ELAPOR2: variants seen among roughly 807,000 people sequenced by gnomAD.
ELAPOR2 encodes endosome/lysosome-associated apoptosis and autophagy regulator family member 2.
A neutral mutation model predicts 120.7 loss-of-function variants in ELAPOR2; 89 were observed. The ratio of observed to expected loss-of-function variants is 0.74; its 90% confidence interval spans 0.62 to 0.88. ELAPOR2 has a LOEUF of 0.88. ELAPOR2 is among the 40% of genes least tolerant of loss of function. The pLI is 0.00. For missense variants in ELAPOR2, 1,134 were observed against 1,251.6 expected (o/e 0.91, Z 1.42); for synonymous variants, 444 against 444.9 (o/e 1.00, Z 0.03).
chr7:86,931,561 A>G (rs555932419), intron 8 of ELAPOR2, among the ~76,000 whole-genome samples: 1 of 151,956 alleles, frequency 6.6e-6, no homozygotes, highest in East Asian at 1.9e-4. Context: ...TATGCCAAAG[A>G]CAGAACACAG....
At chr7:87,053,061 G>T (rs777971234) in intron 1 of ELAPOR2, among the ~76,000 whole-genome samples, 2 of 152,128 alleles carry the variant, frequency 1.3e-5, no homozygotes, top group Non-Finnish European at 2.9e-5. Context: ...GCCTTCCAAA[G>T]TGTTGGGATT....
intron 19 of ELAPOR2, among the ~76,000 whole-genome samples, chr7:86,895,963 T>C (rs948007296): frequency 3.9e-5 from 6 of 152,124 alleles, no homozygotes; most frequent in Non-Finnish European, 7.4e-5. Flanking sequence ...AAACTATTTT[T>C]GTGAATCTGG....
At chr7:86,935,419 G>A (rs1363788296) in intron 8 of ELAPOR2, among the ~76,000 whole-genome samples, 1 of 151,932 alleles carries the variant, frequency 6.6e-6, no homozygotes, top group Non-Finnish European at 1.5e-5. Flanking sequence ...ACAGACTGAG[G>A]CCTTCCCAGA....
At chr7:87,058,315 A>G (rs948391604) in intron 1 of ELAPOR2, among the ~76,000 whole-genome samples, 3 of 152,072 alleles carry the variant, frequency 2.0e-5, no homozygotes, top group African/African-American at 7.2e-5. Flanking sequence ...TGGCTAACCT[A>G]TTTTTGCTAC....
At chr7:86,910,384 T>A (rs1296699436) in intron 15 of ELAPOR2, among the ~76,000 whole-genome samples, 3 of 152,142 alleles carry the variant, frequency 2.0e-5, no homozygotes, top group Admixed American at 2.0e-4. Context: ...AAAGCTTCAG[T>A]GTCAAAGAAA....
chr7:86,907,809 T>C, intron 17 of ELAPOR2, 38 bp from the exon 18 acceptor site: 1 of 1,202,638 alleles, frequency 8.3e-7, no homozygotes, highest in Non-Finnish European at 1.1e-6. Flanking sequence ...AAAACAGATA[T>C]AATACAGATT....
chr7:86,947,454 G>A (rs1346316583), intron 3 of ELAPOR2, among the ~76,000 whole-genome samples: 1 of 152,144 alleles, frequency 6.6e-6, no homozygotes. Flanking sequence ...AACACCAGTG[G>A]CTTAAATGTA....
At chr7:86,923,443 C>T (rs1456988072) in intron 10 of ELAPOR2, among the ~76,000 whole-genome samples, 1 of 151,904 alleles carries the variant, frequency 6.6e-6, no homozygotes, top group Non-Finnish European at 1.5e-5. Context: ...AAATCCTCTG[C>T]ACATCTAATT....
intron 1 of ELAPOR2, among the ~76,000 whole-genome samples, chr7:87,007,189 G>T (rs986589871): frequency 8.5e-5 from 13 of 152,266 alleles, no homozygotes; most frequent in African/African-American, 2.9e-4. Flanking sequence ...CTGATTGTAT[G>T]TACACTGTAC....
At chr7:87,042,173 C>T (rs1257711587) in intron 1 of ELAPOR2, among the ~76,000 whole-genome samples, 3 of 150,490 alleles carry the variant, frequency 2.0e-5, no homozygotes, top group African/African-American at 7.4e-5. Context: ...GAGACTTTAA[C>T]ACCCCACTGT....
chr7:86,911,993 T>C (rs1280568164), intron 15 of ELAPOR2, 79 bp downstream of exon 15: 2 of 1,347,098 alleles, frequency 1.5e-6, no homozygotes, highest in Non-Finnish European at 2.1e-6. Context: ...AGAGAATTTA[T>C]TGGTCCATTA....
chr7:86,942,470 T>A (rs561752670), intron 4 of ELAPOR2, among the ~76,000 whole-genome samples: 1 of 152,196 alleles, frequency 6.6e-6, no homozygotes, highest in Admixed American at 6.5e-5. Context: ...GCATTCACCA[T>A]GCAGGCCCAA....
intron 18 of ELAPOR2, among the ~76,000 whole-genome samples, chr7:86,903,387 A>G (rs1157141776): frequency 2.0e-5 from 3 of 152,136 alleles, no homozygotes; most frequent in Non-Finnish European, 4.4e-5. Context: ...TTTGAGTTAA[A>G]TTGCCTTTTT....
At chr7:86,977,642 C>G (rs923964107) in intron 1 of ELAPOR2, among the ~76,000 whole-genome samples, 7 of 152,324 alleles carry the variant, frequency 4.6e-5, no homozygotes, top group African/African-American at 1.7e-4. Context: ...ACCACGTCTT[C>G]TAATTCCTCA....
chr7:86,954,918 T>C (rs1220926875), intron 2 of ELAPOR2, among the ~76,000 whole-genome samples: 1 of 152,118 alleles, frequency 6.6e-6, no homozygotes, highest in African/African-American at 2.4e-5. Flanking sequence ...TTACTATTAC[T>C]CACTGCCATT....
At chr7:87,024,873 T>G (rs541900570) in intron 1 of ELAPOR2, among the ~76,000 whole-genome samples, 2 of 152,054 alleles carry the variant, frequency 1.3e-5, no homozygotes, top group South Asian at 4.1e-4. Flanking sequence ...AATCTCTGAA[T>G]AGACCAATAA....
intron 1 of ELAPOR2, among the ~76,000 whole-genome samples, chr7:87,028,521 A>G (rs1330443454): frequency 6.6e-6 from 1 of 152,070 alleles, no homozygotes; most frequent in Non-Finnish European, 1.5e-5. Context: ...TCCAAAATAC[A>G]TATATATAAA....
chr7:86,896,190 TTTACA>T (rs1392258918), intron 19 of ELAPOR2, among the ~76,000 whole-genome samples: 1 of 152,148 alleles, frequency 6.6e-6, no homozygotes, highest in East Asian at 1.9e-4. Flanking sequence ...AAAAATATAC[TTTACA>T]TTAACTCTAT....
In ELAPOR2 at chr7:86,912,961, G is replaced by A; in HGVS notation, c.1975C>T (p.Pro659Ser). 1 of 1,613,990 alleles carries A rather than the reference G, an allele frequency of 6.2e-7. No homozygotes were observed. Among genetic ancestry groups the A allele is most frequent in the Middle Eastern group, 1.7e-4 (1 of 6,058 alleles). ...CTTACCTGATTGTTTTTACTCCCAG[G>A]CCCGCATGGAATACAAGCCTCTTTG... The part of the protein sequence containing the change: ...YGKEACIPCG[P>S]GSKNNQDHSV... The change falls in exon 14 of 22, where the codon CCT (proline) becomes TCT (serine). Residue 659 changes from proline to serine, a missense_variant. Coordinates refer to ENST00000450689, the MANE Select transcript of ELAPOR2 (RefSeq NM_001142749.3).
Sources: gnomAD v4.1 joint callset for allele counts (sites outside exome capture counted in the v4.1 genomes callset) on GRCh38, gnomAD v4.1.1 for gene constraint, MANE v1.5 for transcripts, NCBI Gene and HGNC (gene_info 2026-07-23, HGNC 2026-07-21) for gene names.